The following SYNDIG1L variants were observed in gnomAD, a reference collection of about 807,000 sequenced individuals.
The protein encoded by SYNDIG1L is synapse differentiation inducing 1 like.
Under a neutral mutation model 20.1 loss-of-function variants are expected in SYNDIG1L, and 13 were observed. That is an observed-to-expected ratio of 0.65 (90% CI 0.42 to 1.03). The LOEUF is 1.03. Among genes scored for constraint, SYNDIG1L ranks in the 50% least tolerant of loss-of-function variants. The pLI is 0.00. For synonymous variants in SYNDIG1L, 128 were observed against 129.3 expected, an observed-to-expected ratio of 0.99 and a Z score of 0.07; for missense variants, 294 against 305.1, an observed-to-expected ratio of 0.96 and a Z score of 0.27.
the SYNDIG1L span, among the ~76,000 whole-genome samples, chr14:74,435,626 G>T: frequency 3.8e-4 from 58 of 152,324 alleles, no homozygotes; most frequent in East Asian, 0.011. Context: ...ATGCATTGGG[G>T]TAGGTAACCC....
intron 1 of SYNDIG1L, among the ~76,000 whole-genome samples, chr14:74,419,954 A>G (rs927959885): frequency 5.3e-5 from 8 of 152,070 alleles, no homozygotes; most frequent in African/African-American, 1.9e-4. Context: ...GCAGAGGAGC[A>G]CTGGGGAGCC....
chr14:74,431,780 C>G, the SYNDIG1L span, among the ~76,000 whole-genome samples: 3 of 152,236 alleles, frequency 2.0e-5, no homozygotes, highest in East Asian at 5.8e-4. Flanking sequence ...GACATGCCAC[C>G]CTCAGATGGA....
intron 1 of SYNDIG1L, among the ~76,000 whole-genome samples, chr14:74,418,052 A>G (rs1224433933): frequency 1.3e-5 from 2 of 152,218 alleles, no homozygotes; most frequent in East Asian, 1.9e-4. Context: ...TTAAATGTAA[A>G]TTATTAAAAT....
At chr14:74,439,792 T>C in the SYNDIG1L span, among the ~76,000 whole-genome samples, 1 of 149,790 alleles carries the variant, frequency 6.7e-6, no homozygotes, top group African/African-American at 2.5e-5. Context: ...GGCAGGAGAA[T>C]CGCTTGAACC....
At chr14:74,437,649 A>T in the SYNDIG1L span, among the ~76,000 whole-genome samples, 48 of 152,210 alleles carry the variant, frequency 3.2e-4, no homozygotes, top group African/African-American at 1.1e-3. Flanking sequence ...TGGAGGAAAA[A>T]GATAAGAAAC....
At chr14:74,444,749 T>C in the SYNDIG1L span, among the ~76,000 whole-genome samples, 1 of 151,930 alleles carries the variant, frequency 6.6e-6, no homozygotes. Flanking sequence ...AGTGAAACCC[T>C]GTCTCAAAAA....
the SYNDIG1L span, among the ~76,000 whole-genome samples, chr14:74,444,850 G>T: frequency 6.6e-6 from 1 of 152,134 alleles, no homozygotes; most frequent in Non-Finnish European, 1.5e-5. Context: ...GATTGTAAAA[G>T]AATCCTCAAA....
At chr14:74,460,299 G>A in the SYNDIG1L span, among the ~76,000 whole-genome samples, 7 of 151,914 alleles carry the variant, frequency 4.6e-5, no homozygotes, top group Non-Finnish European at 1.0e-4. Context: ...AGAAGACCTC[G>A]CTTTCCCTAT....
At chr14:74,435,858 GT>G in the SYNDIG1L span, among the ~76,000 whole-genome samples, 3 of 152,190 alleles carry the variant, frequency 2.0e-5, no homozygotes, top group African/African-American at 7.2e-5. Context: ...TGCTAGAGCC[GT>G]CAGGAGTTCC....
the SYNDIG1L span, among the ~76,000 whole-genome samples, chr14:74,444,640 A>T: frequency 6.6e-6 from 1 of 151,834 alleles, no homozygotes; most frequent in Admixed American, 6.6e-5. Context: ...AGTTCTAGCT[A>T]CCTGGGAGGC....
In SYNDIG1L at chr14:74,407,496, A is replaced by G. The variant is rs752742625; in HGVS notation, c.*39T>C. On this transcript the variant is annotated 3_prime_UTR_variant, in exon 4 of 4. Coordinates refer to ENST00000331628, the MANE Select transcript of SYNDIG1L (RefSeq NM_001105579.2). ...CAACTCCAAGCCCCACTGCTTCCTCAGGTGGGCAGGGGAGTCAGGATGCAG... is the reference window on the plus strand; with the variant it reads ...CAACTCCAAGCCCCACTGCTTCCTCGGGTGGGCAGGGGAGTCAGGATGCAG... The G allele has an allele frequency of 9.3e-6, 15 of 1,611,398 alleles. No homozygotes were observed. In the Admixed American group the frequency reaches 2.2e-4, roughly 23 times the overall value.
the SYNDIG1L span, among the ~76,000 whole-genome samples, chr14:74,468,237 A>G: frequency 1.3e-5 from 2 of 152,128 alleles, no homozygotes; most frequent in Non-Finnish European, 2.9e-5. Flanking sequence ...CTTTGCCTCC[A>G]TCACAAAGAT....
the SYNDIG1L span, among the ~76,000 whole-genome samples, chr14:74,465,797 A>C: frequency 6.6e-6 from 1 of 152,300 alleles, no homozygotes; most frequent in Non-Finnish European, 1.5e-5. Flanking sequence ...TGAGGGCTGA[A>C]CAGATCCATA....
chr14:74,436,267 C>T, the SYNDIG1L span, among the ~76,000 whole-genome samples: 1 of 150,054 alleles, frequency 6.7e-6, no homozygotes, highest in Non-Finnish European at 1.5e-5. Flanking sequence ...CTTGCTCTGT[C>T]GCCCAGGCTG....
At chr14:74,470,178 T>TA in the SYNDIG1L span, among the ~76,000 whole-genome samples, 319 of 145,596 alleles carry the variant, frequency 2.2e-3, 2 homozygotes, top group East Asian at 0.014. Flanking sequence ...CTTCCCTTTT[T>TA]AAAAAAAAAA....
At chr14:74,442,320 G>T in the SYNDIG1L span, among the ~76,000 whole-genome samples, 2 of 152,114 alleles carry the variant, frequency 1.3e-5, no homozygotes, top group African/African-American at 4.8e-5. Flanking sequence ...TGGCAATATG[G>T]TCTTATAAGA....
chr14:74,415,108 C>A (rs1010353646), intron 1 of SYNDIG1L, among the ~76,000 whole-genome samples: 1 of 152,052 alleles, frequency 6.6e-6, no homozygotes, highest in African/African-American at 2.4e-5. Context: ...AGGAGGGCCC[C>A]CAATAAATAC....
At chr14:74,456,248 T>C in the SYNDIG1L span, among the ~76,000 whole-genome samples, 1 of 152,120 alleles carries the variant, frequency 6.6e-6, no homozygotes, top group African/African-American at 2.4e-5. Context: ...TAAGATCCTT[T>C]GCTGGGCGCA....
At chr14:74,476,234 C>A in the SYNDIG1L span, 1 of 593,152 alleles carries the variant, frequency 1.7e-6, no homozygotes, top group Non-Finnish European at 3.0e-6. Flanking sequence ...GCGCTGAGAA[C>A]AGTCTGCTGC....
Sources: gnomAD v4.1 joint callset for allele counts (sites outside exome capture counted in the v4.1 genomes callset) on GRCh38, gnomAD v4.1.1 for gene constraint, MANE v1.5 for transcripts, NCBI Gene and HGNC (gene_info 2026-07-23, HGNC 2026-07-21) for gene names.